The following CAMK2B variants were observed in gnomAD, a reference collection of about 807,000 sequenced individuals.
The protein encoded by CAMK2B is calcium/calmodulin dependent protein kinase II beta, also known as calcium/calmodulin-dependent protein kinase type II subunit beta.
A neutral mutation model predicts 93.7 loss-of-function variants in CAMK2B; 27 were observed. That is an observed-to-expected ratio of 0.29 (90% CI 0.21 to 0.40). The LOEUF is 0.40. CAMK2B is among the 10% of genes least tolerant of loss of function. The pLI is 1.00. For synonymous variants in CAMK2B, 374 were observed against 358.8 expected, an observed-to-expected ratio of 1.04 and a Z score of -0.48; for missense variants, 568 against 895.8, an observed-to-expected ratio of 0.63 and a Z score of 4.67.
intron 6 of CAMK2B, among the ~76,000 whole-genome samples, chr7:44,246,118 G>T (rs1441389289): frequency 6.6e-6 from 1 of 152,152 alleles, no homozygotes; most frequent in Non-Finnish European, 1.5e-5. Flanking sequence ...GGGCAGCAGA[G>T]ACTTGAGGAA....
intron 13 of CAMK2B, among the ~76,000 whole-genome samples, chr7:44,236,363 A>G (rs1025599391): frequency 2.0e-5 from 3 of 152,100 alleles, no homozygotes; most frequent in Admixed American, 1.3e-4. Context: ...CCCCTTCCTC[A>G]CAGATCTCTT....
intron 2 of CAMK2B, among the ~76,000 whole-genome samples, chr7:44,282,343 C>T (rs938942803): frequency 2.6e-4 from 39 of 152,366 alleles, no homozygotes; most frequent in African/African-American, 8.7e-4. Context: ...GACCAGCAGG[C>T]GGCCCACTTC....
At chr7:44,324,383 G>A (rs1456762655) in intron 1 of CAMK2B, among the ~76,000 whole-genome samples, 1 of 149,216 alleles carries the variant, frequency 6.7e-6, no homozygotes, top group Non-Finnish European at 1.5e-5. Context: ...TAGCCCTAGG[G>A]ATGCCAGGTG....
intron 1 of CAMK2B, among the ~76,000 whole-genome samples, chr7:44,302,603 C>A (rs1790379272): frequency 6.6e-6 from 1 of 152,032 alleles, no homozygotes; most frequent in Admixed American, 6.6e-5. Flanking sequence ...GTTCAATATT[C>A]AAAAATTAAT....
At chr7:44,249,481 G>C (rs1231892331) in intron 5 of CAMK2B, among the ~76,000 whole-genome samples, 2 of 152,198 alleles carry the variant, frequency 1.3e-5, no homozygotes, top group African/African-American at 2.4e-5. Flanking sequence ...GTGCTGACCA[G>C]ATCCTGTGGT....
At chr7:44,254,707 C>T (rs2096816974) in intron 4 of CAMK2B, 100 bp from the exon 5 acceptor site, 5 of 628,086 alleles carry the variant, frequency 8.0e-6, no homozygotes, top group Admixed American at 4.7e-5. Flanking sequence ...ACTATCATCA[C>T]CATCACTCCC....
Position 44,228,824 on chromosome 7 carries a change from C to A in CAMK2B, c.1440G>T (p.Pro480=). Residue 480 remains proline (P), a synonymous_variant, in exon 19 of 24, where the codon CCG becomes CCT. Transcript: ENST00000395749. The part of the protein sequence containing the change: ...LSAGPPPCLS[P]ALLGPLSSPS... ...GGGAGGACAGGGGGCCTAGGAGAGCCGGAGACAGGCAGGGCGGGGGCCCCG... is the reference window on the plus strand; with the variant it reads ...GGGAGGACAGGGGGCCTAGGAGAGCAGGAGACAGGCAGGGCGGGGGCCCCG... The A allele has an allele frequency of 1.3e-6, 2 of 1,538,376 alleles. No individual in the cohort carries two copies. Among genetic ancestry groups the A allele is most frequent in the Non-Finnish European group, 1.7e-6 (2 of 1,147,214 alleles).
rs1008715053 is a variant in CAMK2B at position 44,236,122 on chromosome 7, G to A, written c.1022-1446C>T. Among the ~76,000 whole-genome samples, 5 of 152,160 alleles carry A rather than the reference G, an allele frequency of 3.3e-5. No individual in the cohort carries two copies. The South Asian group carries it at 8.3e-4, about 25-fold the overall frequency. ...AAGCCCTCCCGGTGGTTCTGACGCT[G>A]GGTGCTCCAGGTTGCCGTGGAGATC... On this transcript the variant is annotated intron_variant, in intron 13 of 23. Coordinates refer to ENST00000395749, the MANE Select transcript of CAMK2B (RefSeq NM_001220.5).
At chr7:44,314,860 G>A (rs1794464529) in intron 1 of CAMK2B, among the ~76,000 whole-genome samples, 1 of 152,184 alleles carries the variant, frequency 6.6e-6, no homozygotes. Flanking sequence ...TTCATGTGCT[G>A]TGGGCTATTT....
intron 10 of CAMK2B, 52 bp from the exon 11 acceptor site, chr7:44,241,835 A>G (rs757775454): frequency 1.6e-4 from 241 of 1,474,798 alleles, no homozygotes; most frequent in Non-Finnish European, 2.2e-4. Context: ...CACAGGGGAG[A>G]GGCCAGGGTG....
At chr7:44,289,804 G>A (rs1362999306) in intron 1 of CAMK2B, among the ~76,000 whole-genome samples, 1 of 152,222 alleles carries the variant, frequency 6.6e-6, no homozygotes, top group Non-Finnish European at 1.5e-5. Flanking sequence ...GCTCCCGCAG[G>A]GCAGCGCTGG....
intron 2 of CAMK2B, among the ~76,000 whole-genome samples, chr7:44,273,999 G>A (rs921082921): frequency 6.6e-6 from 1 of 152,166 alleles, no homozygotes; most frequent in African/African-American, 2.4e-5. Context: ...CAAGTGGCCA[G>A]CAGTCCCGCA....
At chr7:44,251,523 A>G (rs1243497939) in intron 5 of CAMK2B, among the ~76,000 whole-genome samples, 1 of 152,182 alleles carries the variant, frequency 6.6e-6, no homozygotes, top group Admixed American at 6.5e-5. Context: ...CCAACCCAGG[A>G]GGGGCTCTCC....
chr7:44,267,245 G>T (rs2096928699), intron 2 of CAMK2B, among the ~76,000 whole-genome samples: 1 of 152,146 alleles, frequency 6.6e-6, no homozygotes, highest in Non-Finnish European at 1.5e-5. Flanking sequence ...GGGGTTCCAG[G>T]GCAGACAGTC....
intron 6 of CAMK2B, chr7:44,244,889 C>A: frequency 2.2e-6 from 1 of 454,636 alleles, no homozygotes; most frequent in South Asian, 1.6e-5. Flanking sequence ...TCCACCTCCT[C>A]GTCACCTTGG....
chr7:44,298,493 G>C (rs373781867), intron 1 of CAMK2B, among the ~76,000 whole-genome samples: 7 of 152,166 alleles, frequency 4.6e-5, no homozygotes, highest in African/African-American at 1.7e-4. Flanking sequence ...TGATTTCTTG[G>C]ATATGACACC....
chr7:44,269,785 C>A (rs982902310), intron 2 of CAMK2B, among the ~76,000 whole-genome samples: 6 of 152,110 alleles, frequency 3.9e-5, no homozygotes, highest in African/African-American at 1.4e-4. Flanking sequence ...GTTGTCAGAC[C>A]CAGAGACCGA....
At position 44,269,809 on chromosome 7, in the gene CAMK2B, G is replaced by A. The variant is rs185852618; in HGVS notation, c.161-6745C>T. On this transcript the variant is annotated intron_variant, in intron 2 of 23. Transcript: ENST00000395749. ...CCCAGAGACCGAGAGGAGGCCCAAC[G>A]GGTAAGCTCTGTGCTGGCTGGGGGA... Among the ~76,000 whole-genome samples the A allele has an allele frequency of 5.3e-4, 81 of 152,226 alleles. 1 individual carries two copies. Among genetic ancestry groups the A allele is most frequent in the Non-Finnish European group, 9.6e-4 (65 of 67,988 alleles).
intron 17 of CAMK2B, 85 bp downstream of exon 17, chr7:44,230,921 T>C: frequency 1.7e-6 from 2 of 1,194,356 alleles, no homozygotes; most frequent in Non-Finnish European, 1.2e-6. Flanking sequence ...GCAGGAGAGT[T>C]GACCCTGCCC....
Sources: gnomAD v4.1 joint callset for allele counts (sites outside exome capture counted in the v4.1 genomes callset) on GRCh38, gnomAD v4.1.1 for gene constraint, MANE v1.5 for transcripts, NCBI Gene and HGNC (gene_info 2026-07-23, HGNC 2026-07-21) for gene names.